Variants in ABLIM1 observed in about 807,000 individuals in gnomAD.
The protein encoded by ABLIM1 is actin-binding LIM protein 1.
A neutral mutation model predicts 107.0 loss-of-function variants in ABLIM1; 40 were observed. The observed-to-expected ratio is 0.37, with a 90% confidence interval of 0.29 to 0.49. The LOEUF (loss-of-function observed/expected upper bound fraction) is 0.49. ABLIM1 is among the 20% of genes least tolerant of loss of function. ABLIM1 has a pLI of 0.97. For synonymous variants in ABLIM1, 357 were observed against 357.3 expected (o/e 1.00, Z 0.01); for missense variants, 857 against 1,008.5 (o/e 0.85, Z 2.04).
At chr10:114,561,076 C>A (rs1279887544) in intron 4 of ABLIM1, among the ~76,000 whole-genome samples, 1 of 152,198 alleles carries the variant, frequency 6.6e-6, no homozygotes, top group Non-Finnish European at 1.5e-5. Flanking sequence ...CAAATTGTTT[C>A]CAGAAAATTT....
upstream of ABLIM1, among the ~76,000 whole-genome samples, chr10:114,768,587 A>C (rs1273518852): frequency 1.3e-5 from 2 of 151,898 alleles, no homozygotes; most frequent in Admixed American, 1.3e-4. Context: ...GAGGGGGCTC[A>C]GCCCGCAGTC....
exon 1 of ABLIM1, chr10:114,684,721 G>A (rs2080888508): frequency 9.7e-6 from 10 of 1,035,526 alleles, no homozygotes; most frequent in Middle Eastern, 4.7e-4. Context: ...AATGTTCCTA[G>A]GATTTTCCTG....
At chr10:114,769,246 G>C (rs1036913893), upstream of ABLIM1, among the ~76,000 whole-genome samples, 1 of 150,086 alleles carries the variant, frequency 6.7e-6, no homozygotes, top group African/African-American at 2.5e-5. Flanking sequence ...AGCTACTCGG[G>C]AGGTTGAGGT....
At chr10:114,780,332 T>A in the ABLIM1 span, among the ~76,000 whole-genome samples, 402 of 152,278 alleles carry the variant, frequency 2.6e-3, no homozygotes, top group African/African-American at 8.9e-3. Flanking sequence ...TAGTTAAAGA[T>A]CTTAATAGGC....
At chr10:114,656,870 G>T (rs567204990) in intron 1 of ABLIM1, among the ~76,000 whole-genome samples, 16 of 152,174 alleles carry the variant, frequency 1.1e-4, no homozygotes, top group Non-Finnish European at 1.8e-4. Flanking sequence ...CCAGAATAGG[G>T]AAATCTAAGA....
rs535988727 is a variant in ABLIM1, at chr10:114,668,756, G to C, written c.64+15534C>G. Among the ~76,000 whole-genome samples the C allele has an allele frequency of 2.0e-5, 3 of 152,328 alleles. No individual in the cohort carries two copies. In the South Asian group the frequency reaches 6.2e-4, roughly 32 times the overall value. On this transcript the variant is annotated intron_variant, in intron 1 of 23. Coordinates refer to the ABLIM1 transcript ENST00000369256. ...GAAAGACAATGAGATTTGGTGGAAA[G>C]AGGTAACAATGAGCTAATTTCAGAT...
rs1442407825 is a variant in ABLIM1, at chr10:114,451,648, T to G, written c.1570A>C (p.Lys524Gln). Reference protein sequence around the residue: ...VPDQGINIYRKPPIYKQHAAL... With the variant: ...VPDQGINIYRQPPIYKQHAAL... ...CCATGCTGTTTGTAGATGGGTGGCT[T>G]TCGGTAAATGTTGATTCCTTGATCT... Residue 524 changes from lysine to glutamine, a missense_variant, in exon 14 of 23, where the codon AAG becomes CAG. Lys to Gln is a moderately conservative substitution (Grantham distance 53). This residue lies in a region of ABLIM1 where 103 missense variants were observed against 101.0 expected (regional missense o/e 1.02). Transcript: ENST00000533213. The G allele has an allele frequency of 6.2e-7, 1 of 1,613,496 alleles. No individual in the cohort carries two copies. The highest frequency in any genetic ancestry group is 1.3e-5 in the African/African-American group (1 of 74,950).
chr10:114,493,764 C>T (rs2059321078), intron 6 of ABLIM1, among the ~76,000 whole-genome samples: 1 of 152,016 alleles, frequency 6.6e-6, no homozygotes, highest in Non-Finnish European at 1.5e-5. Flanking sequence ...ACATAAAAGA[C>T]CTAAATAAAA....
intron 4 of ABLIM1, 138 bp from the exon 5 acceptor site, chr10:114,547,914 T>G: frequency 5.8e-6 from 7 of 1,206,696 alleles, no homozygotes; most frequent in Non-Finnish European, 7.9e-6. Flanking sequence ...GTCAGTTTCT[T>G]TCCCTGCACA....
intron 1 of ABLIM1, among the ~76,000 whole-genome samples, chr10:114,709,734 T>C (rs891074918): frequency 1.3e-5 from 2 of 151,938 alleles, no homozygotes; most frequent in Non-Finnish European, 2.9e-5. Flanking sequence ...AGGGAAAATA[T>C]TATACAGGTA....
At chr10:114,616,367 A>G (rs2077131865) in intron 1 of ABLIM1, among the ~76,000 whole-genome samples, 1 of 152,188 alleles carries the variant, frequency 6.6e-6, no homozygotes, top group Admixed American at 6.5e-5. Context: ...AACTGTTCAT[A>G]TGATGCCATC....
chr10:114,789,508 A>G, the ABLIM1 span, among the ~76,000 whole-genome samples: 4 of 152,160 alleles, frequency 2.6e-5, no homozygotes, highest in Non-Finnish European at 5.9e-5. Flanking sequence ...GGATTGTTAC[A>G]TAGGTAAACT....
chr10:114,491,790 C>T lies in ABLIM1; in HGVS notation c.982+1G>A. The T allele has an allele frequency of 1.2e-6, 2 of 1,608,574 alleles. No individual in the cohort carries two copies. Among genetic ancestry groups the T allele is most frequent in the Non-Finnish European group, 1.7e-6 (2 of 1,175,556 alleles). On this transcript the variant is annotated splice_donor_variant, in intron 7 of 22. Coordinates refer to ENST00000533213, the MANE Select transcript of ABLIM1 (RefSeq NM_002313.7). LOFTEE classifies it high-confidence loss of function. ...TTCTAGTGTTCTTGAGTCCACCTCA[C>T]CTTGAAGATACATTTCCTCTCCTTC... is the stretch of plus-strand genomic sequence containing the variant.
rs145138423 is a variant in ABLIM1, at chr10:114,702,420, G to A, written c.-213+65641C>T. ...TTTGCAGAATTAAAATAATTTCAAC[G>A]ATAAAAGTGATTCATTTGTATTTTA... On this transcript the variant is annotated intron_variant, in intron 1 of 15. Coordinates refer to the ABLIM1 transcript ENST00000651092. Among the ~76,000 whole-genome samples the A allele has an allele frequency of 2.1e-3, 322 of 151,978 alleles. 1 individual carries two copies. The East Asian group carries it at 0.048, about 23-fold the overall frequency.
intron 1 of ABLIM1, among the ~76,000 whole-genome samples, chr10:114,716,444 C>CA (rs1555227434): frequency 1.3e-5 from 2 of 148,374 alleles, no homozygotes; most frequent in African/African-American, 2.5e-5. Context: ...CACACACACA[C>CA]CCCTCCCCAC....
At chr10:114,725,929 G>T (rs1156299876) in intron 1 of ABLIM1, among the ~76,000 whole-genome samples, 1 of 151,888 alleles carries the variant, frequency 6.6e-6, no homozygotes, top group Admixed American at 6.6e-5. Context: ...TCTGTTTTTT[G>T]TAGAGATGGG....
At chr10:114,605,924 C>T (rs2076380997) in intron 1 of ABLIM1, among the ~76,000 whole-genome samples, 1 of 152,098 alleles carries the variant, frequency 6.6e-6, no homozygotes, top group African/African-American at 2.4e-5. Flanking sequence ...TGATGTGTTA[C>T]TTTTGGAATG....
upstream of ABLIM1, chr10:114,658,429 T>G: frequency 1.6e-5 from 10 of 626,254 alleles, no homozygotes; most frequent in South Asian, 4.5e-5. Flanking sequence ...ACTCGAGACT[T>G]TCAGTCTCAG....
chr10:114,754,469 A>T (rs950791081), intron 1 of ABLIM1, among the ~76,000 whole-genome samples: 1 of 152,238 alleles, frequency 6.6e-6, no homozygotes, highest in African/African-American at 2.4e-5. Context: ...CCACCTAGAC[A>T]GATGTCTCCC....
Sources: allele counts gnomAD v4.1 joint callset (sites outside exome capture counted in the v4.1 genomes callset), GRCh38; gene constraint gnomAD v4.1.1; regional missense constraint gnomAD v4.1.1; transcripts MANE v1.5; gene names NCBI Gene and HGNC (gene_info 2026-07-23, HGNC 2026-07-21).